Variants in RAB1B observed in about 807,000 individuals in gnomAD.
RAB1B encodes the protein ras-related protein Rab-1B.
A neutral mutation model predicts 24.8 loss-of-function variants in RAB1B; 10 were observed. That is an observed-to-expected ratio of 0.40 (90% CI 0.25 to 0.68). The LOEUF is 0.68. Ranked by LOEUF, RAB1B falls within the 30% of genes least tolerant of loss-of-function variation. The pLI is 0.37. For missense variants in RAB1B, 154 were observed against 271.2 expected, an observed-to-expected ratio of 0.57 and a Z score of 3.04; for synonymous variants, 99 against 111.7, an observed-to-expected ratio of 0.89 and a Z score of 0.72.
Position 66,276,396 on chromosome 11 carries a change from C to T in RAB1B, c.*158C>T. 2 of 709,186 alleles carry T rather than the reference C, an allele frequency of 2.8e-6. No homozygotes were observed. Among genetic ancestry groups the T allele is most frequent in the Non-Finnish European group, 4.4e-6 (2 of 453,284 alleles). The allele number at this position is 709,186 out of a possible 1,614,324, so 43.9% of individuals were successfully genotyped here. Reference sequence around the variant, plus strand: ...CTCCTTCTGGCCCATCTGCCTGCTGCCCTGAGCCCCGGTTCTGTCAGGGTC... The same window carrying T: ...CTCCTTCTGGCCCATCTGCCTGCTGTCCTGAGCCCCGGTTCTGTCAGGGTC... On this transcript the variant is annotated 3_prime_UTR_variant, in exon 6 of 6. Transcript: ENST00000311481.
At position 66,276,629 on chromosome 11, in the gene RAB1B, C is replaced by T. The variant is rs79035573; in HGVS notation, c.*391C>T. The T allele has an allele frequency of 1.2e-4, 22 of 179,344 alleles. No individual in the cohort carries two copies. The East Asian group carries it at 2.0e-3, about 16-fold the overall frequency. The allele number at this position is 179,344 out of a possible 1,614,324, so 11.1% of individuals were successfully genotyped here. Reference sequence around the variant, plus strand: ...CCTGCCCAAGAACTGAGGGTCTCCCCGGCCTCTACTGCCCTGGCTGCAGTC... The same window carrying T: ...CCTGCCCAAGAACTGAGGGTCTCCCTGGCCTCTACTGCCCTGGCTGCAGTC... On this transcript the variant is annotated 3_prime_UTR_variant, in exon 6 of 6. Transcript: ENST00000311481.
intron 1 of RAB1B, chr11:66,269,840 G>A (rs1247212976): frequency 6.6e-6 from 1 of 151,822 alleles, no homozygotes; most frequent in Non-Finnish European, 1.5e-5. Flanking sequence ...CCACAGGTTG[G>A]AACTCAAGTA....
rs1857146066 is a variant in RAB1B at position 66,276,373 on chromosome 11, C to T, written c.*135C>T. 1.2e-6 allele frequency: 1 copy of T among 838,606 alleles called. No homozygotes were observed. Among genetic ancestry groups the T allele is most frequent in the Admixed American group, 3.3e-5 (1 of 30,308 alleles). The allele number at this position is 838,606 out of a possible 1,614,324, so 51.9% of individuals were successfully genotyped here. On this transcript the variant is annotated 3_prime_UTR_variant, in exon 6 of 6. Transcript: ENST00000311481. ...TTGGGGTGTCCTGGGCTCCCCATCTCCTTCTGGCCCATCTGCCTGCTGCCC... is the reference window on the plus strand; with the variant it reads ...TTGGGGTGTCCTGGGCTCCCCATCTTCTTCTGGCCCATCTGCCTGCTGCCC...
chr11:66,273,022 C>T (rs1312824559), intron 4 of RAB1B, among the ~76,000 whole-genome samples: 2 of 152,220 alleles, frequency 1.3e-5, no homozygotes, highest in Non-Finnish European at 1.5e-5. Context: ...GAACCTGGCC[C>T]AGCCCTCAGA....
intron 4 of RAB1B, among the ~76,000 whole-genome samples, chr11:66,273,360 G>C (rs920154729): frequency 1.3e-5 from 2 of 152,188 alleles, no homozygotes; most frequent in Non-Finnish European, 2.9e-5. Context: ...ACCCAGACAA[G>C]TTACCAGGGC....
intron 4 of RAB1B, among the ~76,000 whole-genome samples, chr11:66,273,253 G>A (rs766165929): frequency 1.3e-5 from 2 of 152,202 alleles, no homozygotes; most frequent in African/African-American, 4.8e-5. Flanking sequence ...GCCGTGGGCC[G>A]GGAAGAGTCC....
chr11:66,275,460 C>T (rs192871206), intron 4 of RAB1B, among the ~76,000 whole-genome samples: 3 of 152,310 alleles, frequency 2.0e-5, no homozygotes, highest in Admixed American at 6.5e-5. Context: ...CTGTTCCTAT[C>T]TCCCGTCCGC....
intron 4 of RAB1B, 152 bp downstream of exon 4, chr11:66,272,612 T>C (rs1004884492): frequency 1.3e-4 from 71 of 548,638 alleles, no homozygotes; most frequent in Middle Eastern, 3.6e-4. Context: ...AGAAAAAAAA[T>C]AGGTGACTGT....
intron 3 of RAB1B, 21 bp from the exon 4 acceptor site, chr11:66,272,344 C>T (rs764190205): frequency 3.7e-6 from 6 of 1,611,048 alleles, no homozygotes; most frequent in South Asian, 2.2e-5. Flanking sequence ...CTGACCTGCT[C>T]CTCTGCCTAC....
rs757679339 is a variant in RAB1B, at chr11:66,275,794, C to T, written c.280-10C>T. 11 of 1,567,878 alleles carry T rather than the reference C, an allele frequency of 7.0e-6. No individual in the cohort carries two copies. Among genetic ancestry groups the T allele is most frequent in the Non-Finnish European group, 9.5e-6 (11 of 1,156,156 alleles). ...GGAGCAAAATAACTTTGGCCCCTGG[C>T]CCCCTTTAGGAATCCTACGCCAACG... On this transcript the variant is annotated splice_polypyrimidine_tract_variant and intron_variant, in intron 4 of 5. Coordinates refer to ENST00000311481, the MANE Select transcript of RAB1B (RefSeq NM_030981.3).
chr11:66,275,708 G>A (rs1056729906), intron 4 of RAB1B, 96 bp from the exon 5 acceptor site: 61 of 1,353,816 alleles, frequency 4.5e-5, no homozygotes, highest in African/African-American at 5.9e-5. Flanking sequence ...TAAGGGGCCC[G>A]GAGCTGTACT....
chr11:66,277,163 G>A lies in RAB1B; in HGVS notation c.*925G>A, dbSNP rs1352313447. ...GGGAATGTGGGTTCCATCCAGGATT[G>A]GGGGCCTCTCTGCTCACCCACTCTG... On this transcript the variant is annotated 3_prime_UTR_variant, in exon 6 of 6. Transcript: ENST00000311481. The A allele has an allele frequency of 6.5e-6, 1 of 152,758 alleles. No homozygotes were observed. Among genetic ancestry groups the A allele is most frequent in the Admixed American group, 6.5e-5 (1 of 15,290 alleles). 9.5% of individuals were successfully genotyped at this position (152,758 alleles called of 1,614,324 possible).
At chr11:66,272,072 G>A in intron 2 of RAB1B, 85 bp from the exon 3 acceptor site, 1 of 1,105,334 alleles carries the variant, frequency 9.0e-7, no homozygotes, top group East Asian at 2.4e-5. Context: ...CGGAGACCCA[G>A]CTGGGGCAGG....
intron 4 of RAB1B, among the ~76,000 whole-genome samples, chr11:66,273,612 C>G (rs774450397): frequency 2.6e-5 from 4 of 152,228 alleles, no homozygotes; most frequent in African/African-American, 7.2e-5. Flanking sequence ...TGCATGGCTG[C>G]GGCCACTCTG....
rs766020509 is a variant in RAB1B, at chr11:66,272,351, C to T, written c.184-14C>T. The T allele has an allele frequency of 1.6e-5, 25 of 1,611,804 alleles. No homozygotes were observed. In the East Asian group the frequency reaches 5.4e-4, roughly 35 times the overall value. On this transcript the variant is annotated splice_polypyrimidine_tract_variant and intron_variant, in intron 3 of 5. Coordinates refer to ENST00000311481, the MANE Select transcript of RAB1B (RefSeq NM_030981.3). ...GACCTCAGCTGACCTGCTCCTCTGC[C>T]TACTGTCTCCTAGTGGGACACAGCG...
At chr11:66,268,763 G>T (rs1174437266) in intron 1 of RAB1B, 70 bp downstream of exon 1, 4 of 1,481,184 alleles carry the variant, frequency 2.7e-6, no homozygotes, top group Admixed American at 2.4e-5. Context: ...GCTTACCGGG[G>T]TTGTCTGGCC....
intron 4 of RAB1B, among the ~76,000 whole-genome samples, chr11:66,272,752 A>T (rs1272005668): frequency 6.6e-6 from 1 of 152,148 alleles, no homozygotes; most frequent in Admixed American, 6.6e-5. Flanking sequence ...ACCTTATTGT[A>T]GACCTTCTGG....
chr11:66,270,073 A>C (rs900666217), intron 1 of RAB1B: 3 of 152,010 alleles, frequency 2.0e-5, no homozygotes, highest in African/African-American at 7.3e-5. Flanking sequence ...CAGGGTCTCG[A>C]TATGTTTCCC....
chr11:66,270,794 A>G (rs1281629767), intron 1 of RAB1B: 1 of 152,352 alleles, frequency 6.6e-6, no homozygotes, highest in Non-Finnish European at 1.5e-5. Flanking sequence ...CTTCTCTGCC[A>G]AGCTAGGCAC....
Sources: gnomAD v4.1 joint callset for allele counts (sites outside exome capture counted in the v4.1 genomes callset) on GRCh38, gnomAD v4.1.1 for gene constraint, MANE v1.5 for transcripts, NCBI Gene and HGNC (gene_info 2026-07-23, HGNC 2026-07-21) for gene names.